KALRN: variants seen among roughly 807,000 people sequenced by gnomAD.
KALRN encodes the protein kalirin RhoGEF kinase, also known as kalirin.
In KALRN, 70 loss-of-function variants were observed where a neutral mutation model predicts 353.7. The ratio of observed to expected loss-of-function variants is 0.20; its 90% CI spans 0.16 to 0.24. KALRN has a LOEUF of 0.24. Among genes scored for constraint, KALRN ranks in the 10% least tolerant of loss-of-function variants. The pLI is 1.00. For synonymous variants in KALRN, 1,391 were observed against 1,434.8 expected (o/e 0.97, Z 0.69); for missense variants, 2,791 against 3,756.7 (o/e 0.74, Z 6.72).
chr3:124,277,581 C>T (rs1476019324), intron 5 of KALRN, among the ~76,000 whole-genome samples: 1 of 152,182 alleles, frequency 6.6e-6, no homozygotes, highest in East Asian at 1.9e-4. Flanking sequence ...TGTTTTCTCC[C>T]AAAGCTGTTT....
intron 33 of KALRN, among the ~76,000 whole-genome samples, chr3:124,516,143 G>A (rs947548262): frequency 6.6e-6 from 1 of 152,198 alleles, no homozygotes; most frequent in Non-Finnish European, 1.5e-5. Context: ...TAGGTCCTCA[G>A]GGACAGGATA....
chr3:124,609,676 C>T (rs1354037935), intron 34 of KALRN, among the ~76,000 whole-genome samples: 1 of 152,234 alleles, frequency 6.6e-6, no homozygotes, highest in Non-Finnish European at 1.5e-5. Flanking sequence ...AGGATGAGGG[C>T]TGGCTGTCTT....
At chr3:124,622,930 A>ATTT (rs5852414) in intron 34 of KALRN, among the ~76,000 whole-genome samples, 4 of 151,810 alleles carry the variant, frequency 2.6e-5, no homozygotes, top group South Asian at 2.1e-4. Flanking sequence ...GGGGAGTAGC[A>ATTT]TTTTTTTTAG....
intron 13 of KALRN, among the ~76,000 whole-genome samples, chr3:124,406,152 T>A (rs1317889345): frequency 6.6e-6 from 1 of 152,242 alleles, no homozygotes; most frequent in African/African-American, 2.4e-5. Flanking sequence ...CCAAGTCCCT[T>A]TGCTTTTCTG....
At chr3:124,454,787 T>C (rs967326742) in intron 21 of KALRN, among the ~76,000 whole-genome samples, 1 of 152,210 alleles carries the variant, frequency 6.6e-6, no homozygotes, top group Non-Finnish European at 1.5e-5. Flanking sequence ...ATTTACATTG[T>C]ATTAGGTATT....
Position 124,725,198 on chromosome 3 carries a change from G to A in KALRN, c.*5728G>A, listed in dbSNP as rs2063404614. 6.6e-6 allele frequency: 1 copy of A among 152,124 alleles called. No homozygotes were observed. The highest frequency in any genetic ancestry group is 1.5e-5 in the Non-Finnish European group (1 of 68,016). The allele number at this position is 152,124 out of a possible 1,614,324, so 9.4% of individuals were successfully genotyped here. ...CAGAGACTGTTACTATGACCTCAAA[G>A]ACTGTGGCTACGAATCTGAAGTTAA... On this transcript the variant is annotated 3_prime_UTR_variant, in exon 60 of 60. Transcript: ENST00000682506.
chr3:124,713,097 C>G lies in KALRN; in HGVS notation c.8238C>G (p.Thr2746=). 1 of 1,614,020 alleles carries G rather than the reference C, an allele frequency of 6.2e-7. No individual in the cohort carries two copies. Among genetic ancestry groups the G allele is most frequent in the Non-Finnish European group, 8.5e-7 (1 of 1,179,938 alleles). ...CCCAGTACATCACTCTCCATGACAC[C>G]TATGAGTCCCCCACATCCTACATCC... The part of the protein sequence containing the change: ...QHPQYITLHD[T]YESPTSYILI... The change falls in exon 58 of 60, where the codon ACC becomes ACG. Residue 2746 remains threonine (T), a synonymous_variant. Coordinates refer to ENST00000682506, the MANE Select transcript of KALRN (RefSeq NM_001388419.1).
intron 3 of KALRN, among the ~76,000 whole-genome samples, chr3:124,257,723 G>T (rs2072235625): frequency 6.6e-6 from 1 of 152,252 alleles, no homozygotes; most frequent in Non-Finnish European, 1.5e-5. Flanking sequence ...GAGCACAGGG[G>T]AGACAGGGCA....
intron 10 of KALRN, 132 bp from the exon 11 acceptor site, chr3:124,384,713 C>A: frequency 1.2e-6 from 1 of 836,938 alleles, no homozygotes. Context: ...CCGCGCACCG[C>A]GCCTCAGTGC....
chr3:124,368,616 G>T (rs1474294842), intron 10 of KALRN, among the ~76,000 whole-genome samples: 1 of 146,870 alleles, frequency 6.8e-6, no homozygotes, highest in African/African-American at 2.5e-5. Flanking sequence ...CATCCCAGAC[G>T]ATGGGCGGCC....
chr3:124,169,601 C>T (rs950214588), intron 1 of KALRN, among the ~76,000 whole-genome samples: 1 of 152,066 alleles, frequency 6.6e-6, no homozygotes, highest in Non-Finnish European at 1.5e-5. Context: ...CCCCTGTCTC[C>T]CTGGCGCCTC....
At chr3:124,305,644 T>C (rs2077624597) in intron 6 of KALRN, among the ~76,000 whole-genome samples, 1 of 152,270 alleles carries the variant, frequency 6.6e-6, no homozygotes, top group Non-Finnish European at 1.5e-5. Context: ...TATCCAATGC[T>C]GTACTCCCCC....
chr3:124,380,236 C>T (rs2087158024), intron 10 of KALRN, among the ~76,000 whole-genome samples: 1 of 152,222 alleles, frequency 6.6e-6, no homozygotes, highest in Non-Finnish European at 1.5e-5. Flanking sequence ...CCCAGGGAAT[C>T]TGAAAACATA....
chr3:124,227,632 C>T lies in KALRN; in HGVS notation c.74-358C>T, dbSNP rs186046313. Among the ~76,000 whole-genome samples the T allele has an allele frequency of 1.7e-3, 250 of 145,174 alleles. 1 individual carries two copies. Among genetic ancestry groups the T allele is most frequent in the African/African-American group, 6.2e-3 (241 of 38,796 alleles). On this transcript the variant is annotated intron_variant, in intron 1 of 59. Transcript: ENST00000682506. ...CGAACATGATTTTTTAAAAGTCCCC[C>T]GGCTTCAAGTTGCTCAATAGCAACA...
At chr3:124,715,037 G>C (rs1389202834) in intron 58 of KALRN, among the ~76,000 whole-genome samples, 2 of 151,898 alleles carry the variant, frequency 1.3e-5, no homozygotes, top group East Asian at 3.9e-4. Flanking sequence ...AAAAAAATAG[G>C]GGGAAAAGAT....
intron 34 of KALRN, among the ~76,000 whole-genome samples, chr3:124,563,869 C>T (rs957266268): frequency 6.6e-6 from 1 of 152,044 alleles, no homozygotes; most frequent in Non-Finnish European, 1.5e-5. Context: ...GCGGCACATA[C>T]CTGTAGTCCC....
intron 12 of KALRN, 38 bp downstream of exon 12, chr3:124,395,381 G>T (rs368429638): frequency 1.3e-6 from 2 of 1,540,958 alleles, no homozygotes; most frequent in South Asian, 2.3e-5. Context: ...GAAATGCCTC[G>T]GGCTAGACGT....
chr3:124,447,796 A>G (rs924940330), intron 21 of KALRN, among the ~76,000 whole-genome samples: 5 of 152,186 alleles, frequency 3.3e-5, no homozygotes, highest in Admixed American at 3.3e-4. Flanking sequence ...TATCCACTCT[A>G]TGAATCTTTT....
chr3:124,513,074 A>T (rs537563469), intron 33 of KALRN, among the ~76,000 whole-genome samples: 36 of 152,122 alleles, frequency 2.4e-4, no homozygotes, highest in South Asian at 8.3e-4. Flanking sequence ...ATTCAGGCTG[A>T]CTTGCAGGAC....
Sources: allele counts gnomAD v4.1 joint callset (sites outside exome capture counted in the v4.1 genomes callset), GRCh38; gene constraint gnomAD v4.1.1; transcripts MANE v1.5; gene names NCBI Gene and HGNC (gene_info 2026-07-23, HGNC 2026-07-21).